Variants in DMD observed in about 807,000 individuals in gnomAD.
DMD encodes the protein dystrophin.
Under a neutral mutation model 330.1 loss-of-function variants are expected in DMD, and 63 were observed. That is an observed-to-expected ratio of 0.19 (90% CI 0.16 to 0.24). DMD has a LOEUF of 0.24. DMD is among the 10% of genes least tolerant of loss of function. The pLI, the probability that DMD is intolerant of heterozygous loss-of-function variation, is 1.00. For synonymous variants in DMD, 1,223 were observed against 959.8 expected, an observed-to-expected ratio of 1.27 and a Z score of -5.07; for missense variants, 3,344 against 2,684.1, an observed-to-expected ratio of 1.25 and a Z score of -5.43.
At chrX:32,413,010 G>C (rs1165014201) in intron 29 of DMD, among the ~76,000 whole-genome samples, 3 of 111,200 alleles carry the variant, frequency 2.7e-5, no homozygotes, top group African/African-American at 9.8e-5. Flanking sequence ...AGGAAGTTTA[G>C]TGATGCTGCA....
intron 1 of DMD, among the ~76,000 whole-genome samples, chrX:33,127,890 A>G (rs2095475054): frequency 9.0e-6 from 1 of 111,712 alleles, no homozygotes; most frequent in South Asian, 3.7e-4. Flanking sequence ...AAAAAGTAGA[A>G]TATGGGTTCC....
intron 12 of DMD, among the ~76,000 whole-genome samples, chrX:32,606,545 T>A (rs1256674252): frequency 1.8e-5 from 2 of 109,405 alleles, no homozygotes; most frequent in African/African-American, 6.6e-5. Flanking sequence ...CCTGCAATCC[T>A]AGTACTGGGT....
In DMD at chrX:31,177,968, G is replaced by C. The variant is rs2040714654; in HGVS notation, c.10226C>G (p.Pro3409Arg). The C allele has an allele frequency of 8.3e-7, 1 of 1,204,476 alleles. No individual in the cohort carries two copies. Among genetic ancestry groups the C allele is most frequent in the African/African-American group, 1.8e-5 (1 of 56,866 alleles). The change falls in exon 71 of 79, where the codon CCC becomes CGC. Residue 3409 changes from proline (P) to arginine (R), a missense_variant and splice_region_variant. Pro to Arg is a moderately radical substitution (Grantham distance 103). Coordinates refer to ENST00000357033, the MANE Select transcript of DMD (RefSeq NM_004006.3). ...TVLEGDNMETPVTLINFWPVD... is the reference protein window; with the variant it reads ...TVLEGDNMETRVTLINFWPVD... ...TGGCCAGAAGTTGATCAGAGTAACGGGACTGCAAAACAAAAAATGAGGTGG... is the reference window on the plus strand; with the variant it reads ...TGGCCAGAAGTTGATCAGAGTAACGCGACTGCAAAACAAAAAATGAGGTGG...
In DMD at chrX:33,041,346, A is replaced by G. The variant is rs1040815189; in HGVS notation, c.32-21146T>C. On this transcript the variant is annotated intron_variant, in intron 1 of 78. Transcript: ENST00000357033. ...CTACCGCCTCTGCGCGTCGCCCTCC[A>G]CGGTTACCCCGGCTTTCCGCCCCTC... The G allele has an allele frequency of 6.0e-6, 7 of 1,161,272 alleles. No individual in the cohort carries two copies. In the East Asian group the frequency reaches 9.5e-5, roughly 16 times the overall value.
intron 55 of DMD, among the ~76,000 whole-genome samples, chrX:31,530,042 C>T (rs1190030190): frequency 8.9e-6 from 1 of 111,950 alleles, no homozygotes; most frequent in Non-Finnish European, 1.9e-5. Context: ...CTGAAATTTA[C>T]TTTAAATTTT....
intron 26 of DMD, among the ~76,000 whole-genome samples, chrX:32,450,930 T>A (rs1402875475): frequency 1.8e-5 from 2 of 110,966 alleles, no homozygotes; most frequent in African/African-American, 3.3e-5. Flanking sequence ...TTAATCCAGG[T>A]ACATATGAGG....
chrX:31,628,915 CATATAT>C lies in DMD; in HGVS notation c.8028-1059_8028-1054del, dbSNP rs10524146. ...CTAAAAATGTATTCATATTTTTGAT[CATATAT>C]ATATATATATATATATATATAAAAT... On this transcript the variant is annotated intron_variant, in intron 54 of 78. Transcript: ENST00000357033. Among the ~76,000 whole-genome samples the C allele has an allele frequency of 6.3e-4, 52 of 82,757 alleles. 1 individual carries two copies. The highest frequency in any genetic ancestry group is 7.5e-3 in the Middle Eastern group (1 of 134). The allele number at this position is 82,757 out of a possible 115,157, so 71.9% of individuals were successfully genotyped here.
At chrX:32,205,005 T>TCTCACACACACA (rs60181300) in intron 44 of DMD, among the ~76,000 whole-genome samples, 1 of 29,227 alleles carries the variant, frequency 3.4e-5, no homozygotes, top group Non-Finnish European at 7.2e-5. Context: ...TCTCTCTCTC[T>TCTCACACACACA]CACATACACA....
intron 1 of DMD, among the ~76,000 whole-genome samples, chrX:33,044,077 G>T (rs1253655739): frequency 9.0e-6 from 1 of 111,262 alleles, no homozygotes; most frequent in Admixed American, 9.5e-5. Flanking sequence ...ACACTTTCAT[G>T]GGCGTTCCTA....
chrX:32,632,487 A>G (rs1291821071), intron 11 of DMD, among the ~76,000 whole-genome samples: 1 of 112,192 alleles, frequency 8.9e-6, no homozygotes, highest in African/African-American at 3.2e-5. Context: ...CAAAGCCCAC[A>G]TTTTCCCTCT....
intron 30 of DMD, 95 bp from the exon 31 acceptor site, chrX:32,390,276 T>C: frequency 1.6e-6 from 1 of 631,850 alleles, no homozygotes; most frequent in East Asian, 3.5e-5. Context: ...CAACCACCTC[T>C]ACCATGTAGC....
intron 51 of DMD, among the ~76,000 whole-genome samples, chrX:31,764,602 A>AT (rs1937450994): frequency 8.9e-6 from 1 of 111,949 alleles, no homozygotes; most frequent in Non-Finnish European, 1.9e-5. Flanking sequence ...ATTTATCTAT[A>AT]TGCTTTTGGC....
chrX:32,133,547 T>A (rs1477692100), intron 44 of DMD, among the ~76,000 whole-genome samples: 1 of 111,701 alleles, frequency 9.0e-6, no homozygotes, highest in African/African-American at 3.3e-5. Flanking sequence ...TGGTGATATG[T>A]CTAACAGATA....
At chrX:33,222,032 G>A (rs1281310645) in intron 1 of DMD, among the ~76,000 whole-genome samples, 12 of 111,528 alleles carry the variant, frequency 1.1e-4, no homozygotes, top group African/African-American at 3.6e-4. Flanking sequence ...AACATGGAAG[G>A]GAAGAAAACA....
chrX:31,967,241 A>T (rs2095358270), intron 45 of DMD, among the ~76,000 whole-genome samples: 1 of 108,958 alleles, frequency 9.2e-6, no homozygotes, highest in Admixed American at 9.9e-5. Flanking sequence ...CAAAACCAAG[A>T]CTTAATTATT....
intron 23 of DMD, among the ~76,000 whole-genome samples, chrX:32,465,584 T>TG (rs202098862): frequency 0.036 from 2,724 of 76,291 alleles, 82 homozygotes; most frequent in African/African-American, 0.099. Context: ...TGTTTTTTGT[T>TG]TTTTTTTTTT....
At chrX:33,085,212 A>G (rs781771970) in intron 1 of DMD, among the ~76,000 whole-genome samples, 121 of 112,137 alleles carry the variant, frequency 1.1e-3, no homozygotes, top group Middle Eastern at 4.7e-3. Flanking sequence ...GCCTGAAAAC[A>G]TAACAACAAC....
intron 12 of DMD, among the ~76,000 whole-genome samples, chrX:32,596,691 G>C (rs2055585885): frequency 9.1e-6 from 1 of 110,022 alleles, no homozygotes; most frequent in South Asian, 3.9e-4. Flanking sequence ...GATTACAGGT[G>C]CACACCACCA....
At chrX:32,176,612 G>A in intron 44 of DMD, among the ~76,000 whole-genome samples, 1 of 111,500 alleles carries the variant, frequency 9.0e-6, no homozygotes, top group Non-Finnish European at 1.9e-5. Context: ...AAGAAGTATT[G>A]TAGGTGACAT....
Sources: allele counts gnomAD v4.1 joint callset (sites outside exome capture counted in the v4.1 genomes callset), GRCh38; gene constraint gnomAD v4.1.1; transcripts MANE v1.5; gene names NCBI Gene and HGNC (gene_info 2026-07-23, HGNC 2026-07-21).